The following RAPGEF4 variants were observed in gnomAD, a reference collection of about 807,000 sequenced individuals.
RAPGEF4 encodes the protein Rap guanine nucleotide exchange factor 4.
Under a neutral mutation model 147.9 loss-of-function variants are expected in RAPGEF4, and 66 were observed. The ratio of observed to expected loss-of-function variants is 0.45; its 90% CI spans 0.37 to 0.55. The LOEUF (loss-of-function observed/expected upper bound fraction) is 0.55, where lower values mean the gene tolerates loss of function less well. Among genes scored for constraint, RAPGEF4 ranks in the 20% least tolerant of loss-of-function variants. The pLI, the probability that RAPGEF4 is intolerant of heterozygous loss-of-function variation, is 0.00. For synonymous variants in RAPGEF4, 419 were observed against 442.7 expected (o/e 0.95, Z 0.67); for missense variants, 1,071 against 1,257.3 (o/e 0.85, Z 2.24).
At chr2:173,011,512 A>G (rs761005376) in intron 17 of RAPGEF4, among the ~76,000 whole-genome samples, 2 of 152,170 alleles carry the variant, frequency 1.3e-5, no homozygotes, top group Non-Finnish European at 2.9e-5. Context: ...AAAGCTCTAT[A>G]CACATGTTAT....
intron 6 of RAPGEF4, among the ~76,000 whole-genome samples, chr2:172,948,935 A>C (rs1174861727): frequency 6.6e-6 from 1 of 152,230 alleles, no homozygotes; most frequent in African/African-American, 2.4e-5. Context: ...AAACCTGCAT[A>C]TGTACCCCTG....
At chr2:172,799,310 C>T (rs1455370235) in intron 3 of RAPGEF4, among the ~76,000 whole-genome samples, 2 of 152,052 alleles carry the variant, frequency 1.3e-5, no homozygotes, top group South Asian at 2.1e-4. Context: ...TAACTTACCT[C>T]GAGTATTGTA....
chr2:172,805,487 A>T (rs1481693567), intron 3 of RAPGEF4, among the ~76,000 whole-genome samples: 1 of 152,192 alleles, frequency 6.6e-6, no homozygotes, highest in Non-Finnish European at 1.5e-5. Context: ...ATGCGTAATT[A>T]TCAGAGGCAT....
At chr2:173,007,950 A>C (rs563557096) in intron 17 of RAPGEF4, among the ~76,000 whole-genome samples, 2 of 152,328 alleles carry the variant, frequency 1.3e-5, no homozygotes, top group East Asian at 3.9e-4. Flanking sequence ...AATAGGGGTA[A>C]TTATATGATA....
intron 1 of RAPGEF4, among the ~76,000 whole-genome samples, chr2:172,787,390 G>T (rs1685318626): frequency 6.6e-6 from 1 of 151,950 alleles, no homozygotes; most frequent in Non-Finnish European, 1.5e-5. Context: ...TAACTTAGAT[G>T]GGTTGTCCTC....
intron 17 of RAPGEF4, among the ~76,000 whole-genome samples, chr2:173,003,834 T>C (rs1694188089): frequency 6.6e-6 from 1 of 152,206 alleles, no homozygotes; most frequent in Non-Finnish European, 1.5e-5. Flanking sequence ...ACAGAACACC[T>C]GCAAGCAACA....
intron 6 of RAPGEF4, among the ~76,000 whole-genome samples, chr2:172,943,167 G>A (rs1687341748): frequency 6.6e-6 from 1 of 152,150 alleles, no homozygotes; most frequent in Non-Finnish European, 1.5e-5. Flanking sequence ...AGGAAGAAGG[G>A]AGCCACTGAG....
At chr2:172,760,733 A>C (rs971239090) in intron 1 of RAPGEF4, among the ~76,000 whole-genome samples, 1 of 151,688 alleles carries the variant, frequency 6.6e-6, no homozygotes, top group Admixed American at 6.6e-5. Flanking sequence ...AAAAAAAAAA[A>C]GTGAATGGAT....
chr2:172,973,406 C>G (rs1690720664), intron 10 of RAPGEF4, among the ~76,000 whole-genome samples: 1 of 152,198 alleles, frequency 6.6e-6, no homozygotes, highest in South Asian at 2.1e-4. Flanking sequence ...AGCCACTGGG[C>G]CGAGCACCTT....
chr2:173,040,893 A>G (rs1285187557), intron 29 of RAPGEF4, among the ~76,000 whole-genome samples: 1 of 152,192 alleles, frequency 6.6e-6, no homozygotes, highest in Non-Finnish European at 1.5e-5. Flanking sequence ...TATTTATAAC[A>G]TTTAGGAGGT....
chr2:172,773,837 G>C (rs548794879), intron 1 of RAPGEF4, among the ~76,000 whole-genome samples: 1 of 152,124 alleles, frequency 6.6e-6, no homozygotes, highest in Non-Finnish European at 1.5e-5. Context: ...TCACATAATC[G>C]TCATATAGTG....
intron 4 of RAPGEF4, among the ~76,000 whole-genome samples, chr2:172,906,451 T>A (rs1262834064): frequency 1.3e-5 from 2 of 152,214 alleles, no homozygotes; most frequent in Non-Finnish European, 2.9e-5. Context: ...GGCTTCCTGT[T>A]TTTAATGCTT....
At chr2:173,036,357 T>A in intron 28 of RAPGEF4, 145 bp downstream of exon 28, 1 of 721,842 alleles carries the variant, frequency 1.4e-6, no homozygotes, top group Non-Finnish European at 2.3e-6. Flanking sequence ...CAGTCCTGAC[T>A]GTTCAGAAAG....
chr2:173,022,578 C>T (rs551152287), intron 23 of RAPGEF4, among the ~76,000 whole-genome samples: 1 of 152,150 alleles, frequency 6.6e-6, no homozygotes, highest in Non-Finnish European at 1.5e-5. Flanking sequence ...ACTCTCTGAT[C>T]CATCCACACA....
intron 12 of RAPGEF4, among the ~76,000 whole-genome samples, chr2:172,986,997 T>A (rs757986650): frequency 6.6e-6 from 1 of 152,142 alleles, no homozygotes; most frequent in Non-Finnish European, 1.5e-5. Flanking sequence ...GCACTCAGCC[T>A]TTTTTCATAT....
rs1002839552 is a variant in RAPGEF4, at chr2:173,042,562, G to T, written c.2853+5870G>T. 1.3e-5 allele frequency among the ~76,000 whole-genome samples: 2 copies of T among 152,048 alleles called. No individual in the cohort carries two copies. The highest frequency in any genetic ancestry group is 4.8e-5 in the African/African-American group (2 of 41,384). On this transcript the variant is annotated intron_variant, in intron 29 of 30. Coordinates refer to ENST00000397081, the MANE Select transcript of RAPGEF4 (RefSeq NM_007023.4). The surrounding 1 kb of genome is among the most constrained non-coding windows in gnomAD (Gnocchi z 4.2). ...TGCTTGAACCCAGGTGGCAGAGGTT[G>T]CAGTGAGCCGAGATCGTGCCACTGC...
chr2:172,860,193 GT>G (rs5836395), intron 4 of RAPGEF4: 979,952 of 985,420 alleles, frequency 0.99, 487,462 homozygotes, highest in East Asian at 1. Flanking sequence ...ACTTGACCAT[GT>G]TGCCTGAGTA....
chr2:172,873,799 CT>C (rs1205665972), intron 4 of RAPGEF4, among the ~76,000 whole-genome samples: 2 of 152,186 alleles, frequency 1.3e-5, no homozygotes, highest in Non-Finnish European at 2.9e-5. Context: ...ATCTATCCAT[CT>C]GATAAAGGGC....
chr2:172,965,199 T>C (rs186296377), intron 8 of RAPGEF4: 12 of 245,282 alleles, frequency 4.9e-5, no homozygotes, highest in African/African-American at 2.2e-4. Context: ...TATTTTGCTT[T>C]GCCTCCATCT....
Sources: gnomAD v4.1 joint callset for allele counts (sites outside exome capture counted in the v4.1 genomes callset) on GRCh38, gnomAD v4.1.1 for gene constraint, Gnocchi (gnomAD v3.1) non-coding constraint, MANE v1.5 for transcripts, NCBI Gene and HGNC (gene_info 2026-07-23, HGNC 2026-07-21) for gene names.